The following RIMKLB variants were observed in gnomAD, a reference collection of about 807,000 sequenced individuals.
RIMKLB encodes the protein beta-citrylglutamate synthase B.
RIMKLB carries 7 observed loss-of-function variants against 32.0 expected under a neutral mutation model. The observed-to-expected ratio is 0.22, with a 90% CI of 0.12 to 0.41. The LOEUF is 0.41. RIMKLB is among the 10% of genes least tolerant of loss of function. The pLI is 1.00. For missense variants in RIMKLB, 289 were observed against 498.7 expected, an observed-to-expected ratio of 0.58 and a Z score of 4.00; for synonymous variants, 172 against 185.1, an observed-to-expected ratio of 0.93 and a Z score of 0.57.
At chr12:8,680,296 A>G (rs563969931), upstream of RIMKLB, among the ~76,000 whole-genome samples, 35 of 151,966 alleles carry the variant, frequency 2.3e-4, no homozygotes, top group Non-Finnish European at 4.7e-4. Flanking sequence ...GCTGGGGACT[A>G]CAGGCGCCCG....
chr12:8,681,735 C>G (rs1337853058), exon 1 of RIMKLB: 2 of 152,260 alleles, frequency 1.3e-5, no homozygotes, highest in East Asian at 1.9e-4. Flanking sequence ...GTGGTGTACT[C>G]TAACTCAGGG....
At chr12:8,715,228 C>CCCTTTTTTTT (rs1445737752) in intron 2 of RIMKLB, among the ~76,000 whole-genome samples, 1 of 123,762 alleles carries the variant, frequency 8.1e-6, no homozygotes, top group African/African-American at 3.3e-5. Flanking sequence ...TGCTCTTGTT[C>CCCTTTTTTTT]TTTTTTTTTT....
the RIMKLB span, among the ~76,000 whole-genome samples, chr12:8,671,676 G>T: frequency 6.6e-6 from 1 of 152,124 alleles, no homozygotes; most frequent in Admixed American, 6.5e-5. Context: ...ACTTTGGGAG[G>T]CCCAGGTGGG....
chr12:8,767,191 G>A (rs1317175426), intron 5 of RIMKLB, among the ~76,000 whole-genome samples: 2 of 152,246 alleles, frequency 1.3e-5, no homozygotes, highest in Non-Finnish European at 2.9e-5. Context: ...AGGGCACACT[G>A]TTTTTCCTTT....
chr12:8,772,153 G>A (rs1321482331), intron 5 of RIMKLB, among the ~76,000 whole-genome samples: 1 of 152,134 alleles, frequency 6.6e-6, no homozygotes. Flanking sequence ...CCAAAGTGTT[G>A]GGATTACAGG....
upstream of RIMKLB, among the ~76,000 whole-genome samples, chr12:8,695,567 C>CTTTGT (rs60544654): frequency 6.6e-6 from 1 of 151,642 alleles, no homozygotes; most frequent in African/African-American, 2.4e-5. Flanking sequence ...TTATCATTGG[C>CTTTGT]TTTTTTTAAA....
chr12:8,677,748 CTT>C (rs373393429), upstream of RIMKLB, among the ~76,000 whole-genome samples: 100 of 145,602 alleles, frequency 6.9e-4, no homozygotes, highest in African/African-American at 2.4e-3. Flanking sequence ...AACCTTTGCC[CTT>C]TTTTTTTTTC....
chr12:8,733,955 A>G (rs1591799212), intron 2 of RIMKLB, among the ~76,000 whole-genome samples: 3 of 152,186 alleles, frequency 2.0e-5, no homozygotes, highest in South Asian at 2.1e-4. Flanking sequence ...AGTGTCTACT[A>G]TATATTGACA....
At chr12:8,779,743 T>A (rs1950924699), downstream of RIMKLB, 1 of 152,146 alleles carries the variant, frequency 6.6e-6, no homozygotes, top group African/African-American at 2.4e-5. Context: ...TAGAATAAAT[T>A]TGAAACATAG....
intron 5 of RIMKLB, among the ~76,000 whole-genome samples, chr12:8,758,016 G>A (rs1170880295): frequency 2.0e-5 from 3 of 150,304 alleles, no homozygotes; most frequent in Admixed American, 1.3e-4. Flanking sequence ...GGCAGGTCTC[G>A]AACTCCTGGG....
intron 1 of RIMKLB, among the ~76,000 whole-genome samples, chr12:8,687,820 GAAAA>G (rs752174507): frequency 0.013 from 983 of 72,918 alleles, 3 homozygotes; most frequent in Non-Finnish European, 0.019. Flanking sequence ...AAGTCAGGAA[GAAAA>G]AAAAAAAAAA....
At chr12:8,741,307 G>A (rs1412769845) in intron 2 of RIMKLB, among the ~76,000 whole-genome samples, 1 of 151,464 alleles carries the variant, frequency 6.6e-6, no homozygotes, top group Non-Finnish European at 1.5e-5. Context: ...GAGCCTGGGA[G>A]GCAGAGGTTG....
At chr12:8,769,084 GTAT>G in intron 5 of RIMKLB, among the ~76,000 whole-genome samples, 1 of 152,114 alleles carries the variant, frequency 6.6e-6, no homozygotes, top group Non-Finnish European at 1.5e-5. Context: ...GTGTTGGAAG[GTAT>G]TAATACAAAG....
intron 2 of RIMKLB, among the ~76,000 whole-genome samples, chr12:8,731,323 C>A (rs1385526719): frequency 6.6e-6 from 1 of 152,034 alleles, no homozygotes; most frequent in Non-Finnish European, 1.5e-5. Flanking sequence ...GTCTCAAACT[C>A]CTGACCTCAG....
chr12:8,689,891 C>T (rs1375855865), intron 1 of RIMKLB, among the ~76,000 whole-genome samples: 1 of 152,130 alleles, frequency 6.6e-6, no homozygotes, highest in East Asian at 1.9e-4. Flanking sequence ...CTTCTGCGCC[C>T]TCAAAGGGTC....
At chr12:8,688,859 G>A (rs1345438616) in intron 1 of RIMKLB, among the ~76,000 whole-genome samples, 2 of 151,738 alleles carry the variant, frequency 1.3e-5, no homozygotes, top group Non-Finnish European at 1.5e-5. Context: ...TTCTGAGGTG[G>A]AGTCTCGCTC....
chr12:8,776,265 G>T lies in RIMKLB; in HGVS notation c.*2481G>T. ...TTATGCATTCACATGATATTAAAACGTACACTCACATGTTAGAATGAAAAG... is the reference window on the plus strand; with the variant it reads ...TTATGCATTCACATGATATTAAAACTTACACTCACATGTTAGAATGAAAAG... On this transcript the variant is annotated 3_prime_UTR_variant, in exon 6 of 6. Coordinates refer to ENST00000535829, the MANE Select transcript of RIMKLB (RefSeq NM_001297776.2). The T allele has an allele frequency of 2.0e-6, 2 of 977,228 alleles. No homozygotes were observed. The allele number at this position is 977,228 out of a possible 1,614,324, so 60.5% of individuals were successfully genotyped here. A position where few individuals can be genotyped will look rare whatever the true frequency, so the allele number is the denominator to read the frequency against.
chr12:8,718,665 ATATATGTGTG>A (rs1201756196), intron 2 of RIMKLB, among the ~76,000 whole-genome samples: 63 of 104,306 alleles, frequency 6.0e-4, no homozygotes, highest in Middle Eastern at 4.8e-3. Context: ...ATATATATAT[ATATATGTGTG>A]TGTGTGTGTG....
chr12:8,716,431 CTTTTTTT>C (rs11307521), intron 2 of RIMKLB, among the ~76,000 whole-genome samples: 2 of 81,682 alleles, frequency 2.4e-5, no homozygotes, highest in Admixed American at 1.4e-4. Flanking sequence ...ATTAACATGT[CTTTTTTT>C]TTTTTTTTTT....
Sources: gnomAD v4.1 joint callset for allele counts (sites outside exome capture counted in the v4.1 genomes callset) on GRCh38, gnomAD v4.1.1 for gene constraint, MANE v1.5 for transcripts, NCBI Gene and HGNC (gene_info 2026-07-23, HGNC 2026-07-21) for gene names.